Variants in ERBB4 observed in about 807,000 individuals in gnomAD.
The protein encoded by ERBB4 is erb-b2 receptor tyrosine kinase 4, also known as receptor tyrosine-protein kinase erbB-4.
A neutral mutation model predicts 158.0 loss-of-function variants in ERBB4; 42 were observed. The ratio of observed to expected loss-of-function variants is 0.27; its 90% CI spans 0.21 to 0.34. The LOEUF is 0.34. Ranked by LOEUF, ERBB4 falls within the 10% of genes least tolerant of loss-of-function variation. The probability of loss-of-function intolerance (pLI) is 1.00; values close to 1 mark genes in which losing one functional copy is unlikely to be tolerated. For synonymous variants in ERBB4, 583 were observed against 558.7 expected, an observed-to-expected ratio of 1.04 and a Z score of -0.61; for missense variants, 1,333 against 1,624.1, an observed-to-expected ratio of 0.82 and a Z score of 3.08.
rs2076828339 is a variant in ERBB4 at position 211,814,276 on chromosome 2, T to A, written c.422-26117A>T. Reference sequence around the variant, plus strand: ...TTTCTTCATCAGAAAAATGTGTAACTTTACTTCATAGTAGGATAAAATGAG... The same window carrying A: ...TTTCTTCATCAGAAAAATGTGTAACATTACTTCATAGTAGGATAAAATGAG... On this transcript the variant is annotated intron_variant, in intron 3 of 27. Coordinates refer to ENST00000342788, the MANE Select transcript of ERBB4 (RefSeq NM_005235.3). Among the ~76,000 whole-genome samples, 5 of 152,294 alleles carry A rather than the reference T, an allele frequency of 3.3e-5. No individual in the cohort carries two copies. In the South Asian group the frequency reaches 1.0e-3, roughly 32 times the overall value.
intron 1 of ERBB4, among the ~76,000 whole-genome samples, chr2:212,316,414 G>C (rs2087281983): frequency 6.6e-6 from 1 of 151,442 alleles, no homozygotes; most frequent in African/African-American, 2.4e-5. Flanking sequence ...AAATCTGATG[G>C]CTATGCTTTT....
chr2:211,730,277 C>T (rs1216420769), intron 5 of ERBB4, among the ~76,000 whole-genome samples: 1 of 151,744 alleles, frequency 6.6e-6, no homozygotes, highest in African/African-American at 2.4e-5. Flanking sequence ...ATTGTTGCTT[C>T]CTAGCAACAA....
chr2:211,716,553 G>A (rs1242573886), intron 7 of ERBB4, among the ~76,000 whole-genome samples: 5 of 149,562 alleles, frequency 3.3e-5, no homozygotes, highest in Non-Finnish European at 7.5e-5. Context: ...GCGGGCGCCT[G>A]TAGTCCCAGC....
chr2:211,825,510 CT>C (rs2077082546), intron 3 of ERBB4, among the ~76,000 whole-genome samples: 1 of 151,666 alleles, frequency 6.6e-6, no homozygotes, highest in African/African-American at 2.4e-5. Context: ...ATGAAATTCT[CT>C]ATTTAACAAA....
At chr2:212,267,773 CGGTG>C (rs1015455236) in intron 1 of ERBB4, among the ~76,000 whole-genome samples, 2 of 151,004 alleles carry the variant, frequency 1.3e-5, no homozygotes, top group Non-Finnish European at 3.0e-5. Context: ...CAACAGGCCC[CGGTG>C]TGTGATGTTC....
At chr2:211,870,929 A>C (rs2078327887) in intron 3 of ERBB4, among the ~76,000 whole-genome samples, 1 of 152,174 alleles carries the variant, frequency 6.6e-6, no homozygotes, top group South Asian at 2.1e-4. Context: ...CTAAGTTTCT[A>C]TCACGCAGAA....
intron 1 of ERBB4, among the ~76,000 whole-genome samples, chr2:212,218,080 C>T (rs1407957687): frequency 1.3e-5 from 2 of 151,192 alleles, no homozygotes; most frequent in Non-Finnish European, 3.0e-5. Flanking sequence ...TGAAAAGTAA[C>T]ATAATAAGAA....
At chr2:212,065,423 G>T (rs921466210) in intron 2 of ERBB4, among the ~76,000 whole-genome samples, 1 of 151,826 alleles carries the variant, frequency 6.6e-6, no homozygotes, top group African/African-American at 2.4e-5. Context: ...TTTATTTCCC[G>T]GTGATTTAGT....
chr2:211,720,919 T>C (rs2074070480), intron 7 of ERBB4, among the ~76,000 whole-genome samples: 1 of 152,198 alleles, frequency 6.6e-6, no homozygotes, highest in Admixed American at 6.5e-5. Context: ...CCTGGAGGGA[T>C]AGCTGCAGGC....
At chr2:211,715,035 G>T (rs1052374893) in intron 7 of ERBB4, among the ~76,000 whole-genome samples, 21 of 152,286 alleles carry the variant, frequency 1.4e-4, no homozygotes, top group African/African-American at 5.1e-4. Flanking sequence ...TTCTCTGTCT[G>T]CCATCTCACC....
chr2:211,536,922 G>A (rs1181969524), intron 20 of ERBB4, among the ~76,000 whole-genome samples: 1 of 149,936 alleles, frequency 6.7e-6, no homozygotes, highest in Non-Finnish European at 1.5e-5. Flanking sequence ...GGTAGAGCAG[G>A]AAAAAACAAA....
chr2:211,468,588 G>GC (rs990731643), intron 20 of ERBB4, among the ~76,000 whole-genome samples: 3 of 151,918 alleles, frequency 2.0e-5, no homozygotes, highest in Non-Finnish European at 4.4e-5. Flanking sequence ...TGGGAGAAAC[G>GC]CCCCCCAAGT....
At chr2:212,190,550 A>AAAAG (rs540372658) in intron 1 of ERBB4, among the ~76,000 whole-genome samples, 45 of 147,012 alleles carry the variant, frequency 3.1e-4, no homozygotes, top group South Asian at 1.1e-3. Context: ...AAAAAAAAAA[A>AAAAG]AAGAAGAAGA....
rs751592380 is a variant in ERBB4 at position 212,265,080 on chromosome 2, C to T, written c.83-140177G>A. On this transcript the variant is annotated intron_variant, in intron 1 of 27. Coordinates refer to ENST00000342788, the MANE Select transcript of ERBB4 (RefSeq NM_005235.3). ...GGAGAGGCACAAGGGTAGATATGTG[C>T]TATCACTTATTCCTTCTATCAATAG... Among the ~76,000 whole-genome samples, 42 of 152,222 alleles carry T rather than the reference C, an allele frequency of 2.8e-4. 1 individual carries two copies. The highest frequency in any genetic ancestry group is 3.4e-3 in the Middle Eastern group (1 of 294).
At chr2:212,223,175 A>G (rs1397978059) in intron 1 of ERBB4, among the ~76,000 whole-genome samples, 1 of 151,270 alleles carries the variant, frequency 6.6e-6, no homozygotes, top group Non-Finnish European at 1.5e-5. Flanking sequence ...CTGTATTTCT[A>G]TTTGTTAAAT....
rs116346359 is a variant in ERBB4, at chr2:211,546,816, A to G, written c.2487+15087T>C. ...GCTAGAATCAAGCTTAGTGTCCAGA[A>G]TATTGTATGCCCATTTTAGCGTGCA... On this transcript the variant is annotated intron_variant, in intron 20 of 27. Transcript: ENST00000342788. 3.5e-3 allele frequency among the ~76,000 whole-genome samples: 537 copies of G among 152,272 alleles called. 3 individuals are homozygous for G. Among genetic ancestry groups the G allele is most frequent in the African/African-American group, 0.012 (508 of 41,584 alleles).
intron 1 of ERBB4, among the ~76,000 whole-genome samples, chr2:212,483,001 A>G (rs142888999): frequency 6.4e-4 from 97 of 152,302 alleles, no homozygotes; most frequent in Middle Eastern, 6.8e-3. Flanking sequence ...TTCCCAGCCT[A>G]GCATTCTTGC....
At chr2:211,970,409 T>G (rs72935757) in intron 2 of ERBB4, among the ~76,000 whole-genome samples, 4,406 of 152,252 alleles carry the variant, frequency 0.029, 96 homozygotes, top group South Asian at 0.055. Context: ...CCCATTCAAT[T>G]AAGTGCTAAG....
At chr2:211,577,891 A>G (rs2067940718) in intron 19 of ERBB4, among the ~76,000 whole-genome samples, 2 of 152,194 alleles carry the variant, frequency 1.3e-5, no homozygotes, top group African/African-American at 4.8e-5. Flanking sequence ...ATTATCTTTG[A>G]AAACTGGCAA....
Sources: gnomAD v4.1 joint callset for allele counts (sites outside exome capture counted in the v4.1 genomes callset) on GRCh38, gnomAD v4.1.1 for gene constraint, MANE v1.5 for transcripts, NCBI Gene and HGNC (gene_info 2026-07-23, HGNC 2026-07-21) for gene names.